CFAP70: variants seen among roughly 807,000 people sequenced by gnomAD.
CFAP70 encodes the protein cilia and flagella associated protein 70.
In CFAP70, 81 loss-of-function variants were observed where a neutral mutation model predicts 137.6. The ratio of observed to expected loss-of-function variants is 0.59; its 90% CI spans 0.49 to 0.71. The LOEUF (loss-of-function observed/expected upper bound fraction) is 0.71, where lower values mean the gene tolerates loss of function less well. CFAP70 is among the 30% of genes least tolerant of loss of function. The pLI is 0.00. For synonymous variants in CFAP70, 382 were observed against 423.6 expected, an observed-to-expected ratio of 0.90 and a Z score of 1.20; for missense variants, 976 against 1,226.7, an observed-to-expected ratio of 0.80 and a Z score of 3.05.
At chr10:73,326,646 A>T (rs190078212) in intron 8 of CFAP70, among the ~76,000 whole-genome samples, 111 of 152,018 alleles carry the variant, frequency 7.3e-4, no homozygotes, top group African/African-American at 2.6e-3. Context: ...AAAAAATGAT[A>T]AAGGGGATAT....
At chr10:73,351,069 G>GTATATATATATA (rs1367174993) in intron 3 of CFAP70, among the ~76,000 whole-genome samples, 21 of 50,540 alleles carry the variant, frequency 4.2e-4, no homozygotes, top group Non-Finnish European at 6.3e-4. Context: ...GTGTGTGTGT[G>GTATATATATATA]TGTATATATA....
intron 8 of CFAP70, among the ~76,000 whole-genome samples, chr10:73,324,095 C>A (rs1463747826): frequency 6.6e-6 from 1 of 152,170 alleles, no homozygotes; most frequent in Non-Finnish European, 1.5e-5. Flanking sequence ...CTAGTAGGGG[C>A]AGACTGACAC....
At chr10:73,326,387 A>G (rs1259102564) in intron 8 of CFAP70, among the ~76,000 whole-genome samples, 1 of 145,798 alleles carries the variant, frequency 6.9e-6, no homozygotes, top group African/African-American at 2.6e-5. Flanking sequence ...GAAAGCAGGA[A>G]AGATCCAAAA....
At chr10:73,300,343 G>A (rs115323252) in intron 12 of CFAP70, among the ~76,000 whole-genome samples, 24 of 151,894 alleles carry the variant, frequency 1.6e-4, no homozygotes, top group Non-Finnish European at 3.4e-4. Flanking sequence ...CTACCTTGAA[G>A]TCCACAATCA....
At chr10:73,269,798 A>C (rs1431071664) in intron 24 of CFAP70, 83 bp from the exon 26 acceptor site, 2 of 737,836 alleles carry the variant, frequency 2.7e-6, no homozygotes, top group African/African-American at 3.4e-5. Flanking sequence ...ACCTATACCA[A>C]TGGTTTTCAA....
intron 19 of CFAP70, among the ~76,000 whole-genome samples, chr10:73,279,947 T>C (rs1196776260): frequency 6.6e-6 from 1 of 152,068 alleles, no homozygotes; most frequent in Non-Finnish European, 1.5e-5. Flanking sequence ...AAGAAAAAAC[T>C]TACCAGTTTT....
chr10:73,318,298 A>G lies in CFAP70; in HGVS notation c.912+4665T>C, dbSNP rs117970585. ...GCTTTTGTGGGGAGATGATTTGTCAACCTCCTCACTTGGCCATAGCCAGAG... is the reference window on the plus strand; with the variant it reads ...GCTTTTGTGGGGAGATGATTTGTCAGCCTCCTCACTTGGCCATAGCCAGAG... On this transcript the variant is annotated intron_variant, in intron 9 of 26. Coordinates refer to ENST00000310715, the Ensembl canonical transcript of CFAP70. Among the ~76,000 whole-genome samples, 862 of 151,822 alleles carry G rather than the reference A, an allele frequency of 5.7e-3. 24 individuals carry two copies. Among genetic ancestry groups the G allele is most frequent in the Admixed American group, 0.049 (751 of 15,228 alleles).
intron 8 of CFAP70, among the ~76,000 whole-genome samples, chr10:73,330,822 C>T (rs147381592): frequency 1.3e-5 from 2 of 152,264 alleles, no homozygotes; most frequent in East Asian, 1.9e-4. Context: ...ATCCCTATTA[C>T]ACTAATTAGC....
chr10:73,334,252 C>T (rs2052406113), intron 7 of CFAP70, among the ~76,000 whole-genome samples: 1 of 152,178 alleles, frequency 6.6e-6, no homozygotes, highest in Non-Finnish European at 1.5e-5. Context: ...GCCTGGGTGA[C>T]AATGTGTTCA....
chr10:73,353,207 C>T (rs1243995001), intron 3 of CFAP70, among the ~76,000 whole-genome samples: 1 of 152,198 alleles, frequency 6.6e-6, no homozygotes, highest in African/African-American at 2.4e-5. Context: ...CTGGTCCATA[C>T]TTTCTGAGAG....
intron 9 of CFAP70, among the ~76,000 whole-genome samples, chr10:73,317,050 G>A (rs1348784753): frequency 6.6e-6 from 1 of 152,166 alleles, no homozygotes; most frequent in African/African-American, 2.4e-5. Flanking sequence ...TATTGAGAGA[G>A]AGTCTCACTC....
At chr10:73,314,050 C>T (rs1366681916) in intron 9 of CFAP70, among the ~76,000 whole-genome samples, 4 of 152,040 alleles carry the variant, frequency 2.6e-5, no homozygotes, top group African/African-American at 9.7e-5. Flanking sequence ...CCTAAAAATT[C>T]TTTTTTGAAA....
chr10:73,311,462 C>T (rs1230577439), intron 11 of CFAP70, among the ~76,000 whole-genome samples: 3 of 152,226 alleles, frequency 2.0e-5, no homozygotes, highest in Non-Finnish European at 4.4e-5. Context: ...TTACAGCACT[C>T]ATCAAAATTA....
chr10:73,352,662 GT>G (rs542336820), intron 3 of CFAP70, among the ~76,000 whole-genome samples: 30 of 152,208 alleles, frequency 2.0e-4, no homozygotes, highest in Non-Finnish European at 3.7e-4. Flanking sequence ...AATGTCCAGG[GT>G]TTGTAGTTGT....
chr10:73,287,105 G>A (rs540949640), intron 19 of CFAP70, among the ~76,000 whole-genome samples: 6 of 152,278 alleles, frequency 3.9e-5, no homozygotes, highest in African/African-American at 1.2e-4. Context: ...CTAGTTTGGG[G>A]GCCAGTTTAT....
intron 6 of CFAP70, among the ~76,000 whole-genome samples, chr10:73,339,517 C>A (rs2132395439): frequency 6.6e-6 from 1 of 152,308 alleles, no homozygotes; most frequent in South Asian, 2.1e-4. Flanking sequence ...CTCATTTCAC[C>A]CACTTGGCCT....
intron 12 of CFAP70, among the ~76,000 whole-genome samples, chr10:73,302,868 TTTTTC>T (rs202144432): frequency 9.4e-5 from 14 of 148,202 alleles, no homozygotes; most frequent in African/African-American, 1.5e-4. Context: ...ATAATTTTCT[TTTTTC>T]TTTTCTTTTC....
intron 19 of CFAP70, among the ~76,000 whole-genome samples, chr10:73,284,308 C>T (rs2047479669): frequency 6.6e-6 from 1 of 152,000 alleles, no homozygotes; most frequent in Non-Finnish European, 1.5e-5. Flanking sequence ...TCTGTGACTT[C>T]TCCTGCATCT....
intron 6 of CFAP70, among the ~76,000 whole-genome samples, chr10:73,338,593 G>A (rs1303957001): frequency 6.6e-6 from 1 of 151,306 alleles, no homozygotes; most frequent in Non-Finnish European, 1.5e-5. Flanking sequence ...ACTACACCCA[G>A]CCAATTCTTG....
Sources: allele counts gnomAD v4.1 joint callset (sites outside exome capture counted in the v4.1 genomes callset), GRCh38; gene constraint gnomAD v4.1.1; transcripts MANE v1.5; gene names NCBI Gene and HGNC (gene_info 2026-07-23, HGNC 2026-07-21).